Variants in PCSK6 observed in about 807,000 individuals in gnomAD.
PCSK6 encodes the protein paired basic amino acid cleaving enzyme 4.
In PCSK6, 85 loss-of-function variants were observed where a neutral mutation model predicts 123.3. That is an observed-to-expected ratio of 0.69 (90% CI 0.58 to 0.83). The LOEUF (loss-of-function observed/expected upper bound fraction) is 0.83. PCSK6 is among the 40% of genes least tolerant of loss of function. PCSK6 has a pLI of 0.00. For missense variants in PCSK6, 1,191 were observed against 1,282.3 expected (o/e 0.93, Z 1.09); for synonymous variants, 508 against 516.0 (o/e 0.98, Z 0.21).
chr15:101,322,256 C>T (rs901108546), intron 18 of PCSK6, among the ~76,000 whole-genome samples: 2 of 152,204 alleles, frequency 1.3e-5, no homozygotes, highest in African/African-American at 4.8e-5. Context: ...CGGATCTGGG[C>T]ACAGCCCTGT....
chr15:101,431,035 C>T (rs1390332064), intron 4 of PCSK6, among the ~76,000 whole-genome samples: 2 of 152,202 alleles, frequency 1.3e-5, no homozygotes, highest in East Asian at 3.8e-4. Flanking sequence ...ACTATCTGTA[C>T]GCTGATGATC....
At chr15:101,366,028 G>T in intron 13 of PCSK6, 168 bp downstream of exon 13, 1 of 657,296 alleles carries the variant, frequency 1.5e-6, no homozygotes, top group South Asian at 2.2e-5. Flanking sequence ...AAAAGCCACT[G>T]AACTGTCCAC....
rs867145837 is a variant in PCSK6, at chr15:101,305,924, G to C, written c.2813-569C>G. 1.9e-4 allele frequency among the ~76,000 whole-genome samples: 29 copies of C among 152,142 alleles called. No homozygotes were observed. Among genetic ancestry groups the C allele is most frequent in the African/African-American group, 5.8e-4 (24 of 41,514 alleles). ...CTCTTGCTGAGTCTCAGTGACAAGG[G>C]GATTCATGAGCAGGATGTGGGGGTG... is the stretch of plus-strand genomic sequence containing the variant. On this transcript the variant is annotated intron_variant, in intron 21 of 21. Transcript: ENST00000611716. This position sits in a 1 kb window ranked among gnomAD's most constrained non-coding sequence, Gnocchi z 4.8.
At chr15:101,352,638 G>C (rs1191569282) in intron 13 of PCSK6, among the ~76,000 whole-genome samples, 1 of 152,112 alleles carries the variant, frequency 6.6e-6, no homozygotes, top group African/African-American at 2.4e-5. Context: ...CCCTTGATCG[G>C]TCTATTCCAG....
intron 6 of PCSK6, among the ~76,000 whole-genome samples, chr15:101,411,284 G>T (rs760592986): frequency 1.8e-3 from 275 of 152,210 alleles, no homozygotes; most frequent in Non-Finnish European, 3.0e-3. Flanking sequence ...AGGAGCTAGG[G>T]TGGCAGGTCT....
At chr15:101,360,424 T>G (rs1464445426) in intron 13 of PCSK6, among the ~76,000 whole-genome samples, 1 of 152,102 alleles carries the variant, frequency 6.6e-6, no homozygotes, top group African/African-American at 2.4e-5. Flanking sequence ...TCTGCTCCTC[T>G]TCCCACTGCC....
chr15:101,483,197 C>A (rs2057933914), intron 1 of PCSK6, among the ~76,000 whole-genome samples: 1 of 152,228 alleles, frequency 6.6e-6, no homozygotes, highest in Non-Finnish European at 1.5e-5. Flanking sequence ...TCCGGGTCTC[C>A]CCTTGTCCCT....
intron 1 of PCSK6, among the ~76,000 whole-genome samples, chr15:101,458,559 C>G (rs1244247817): frequency 3.3e-5 from 5 of 152,156 alleles, no homozygotes; most frequent in Non-Finnish European, 5.9e-5. Flanking sequence ...TCGTCTGTCT[C>G]CAGGGACTGT....
At chr15:101,396,285 A>G (rs3784471) in intron 7 of PCSK6, among the ~76,000 whole-genome samples, 19,004 of 152,074 alleles carry the variant, frequency 0.12, 1,400 homozygotes, top group African/African-American at 0.21. Context: ...TTCCGAATGC[A>G]AAGATCCCTC....
intron 11 of PCSK6, among the ~76,000 whole-genome samples, chr15:101,372,623 T>A (rs2041619780): frequency 6.6e-6 from 1 of 151,860 alleles, no homozygotes. Context: ...GTGTCCCCCA[T>A]CCCCCACCTT....
intron 13 of PCSK6, chr15:101,334,627 T>C (rs1362953094): frequency 6.6e-6 from 1 of 152,180 alleles, no homozygotes; most frequent in Non-Finnish European, 1.5e-5. Flanking sequence ...TTGGCTGGGG[T>C]TGTGATGATG....
At chr15:101,359,668 T>C (rs1454246909) in intron 13 of PCSK6, among the ~76,000 whole-genome samples, 1 of 152,228 alleles carries the variant, frequency 6.6e-6, no homozygotes, top group Non-Finnish European at 1.5e-5. Flanking sequence ...TATGGCAGCA[T>C]CTGGCTGGGC....
intron 13 of PCSK6, among the ~76,000 whole-genome samples, chr15:101,342,119 G>GTT (rs1296996228): frequency 1.6e-4 from 11 of 66,958 alleles, no homozygotes; most frequent in African/African-American, 6.6e-4. Flanking sequence ...AACAGAGTAA[G>GTT]ACCCTGTCTC....
At chr15:101,392,378 C>G (rs543578191) in intron 8 of PCSK6, among the ~76,000 whole-genome samples, 1 of 152,314 alleles carries the variant, frequency 6.6e-6, no homozygotes, top group South Asian at 2.1e-4. Flanking sequence ...GAACAGGAAG[C>G]CTGTATGCTC....
intron 7 of PCSK6, among the ~76,000 whole-genome samples, chr15:101,396,955 T>G (rs1159194426): frequency 6.6e-6 from 1 of 152,056 alleles, no homozygotes; most frequent in East Asian, 1.9e-4. Flanking sequence ...TCTCAGGCAT[T>G]CAAGACCTGA....
At chr15:101,445,568 A>G (rs2056867249) in intron 1 of PCSK6, among the ~76,000 whole-genome samples, 2 of 152,120 alleles carry the variant, frequency 1.3e-5, no homozygotes, top group Admixed American at 6.5e-5. Context: ...CTTCTTCAAC[A>G]AAGTTAACTG....
chr15:101,313,574 C>T, intron 19 of PCSK6, 69 bp from the exon 20 acceptor site: 1 of 1,537,004 alleles, frequency 6.5e-7, no homozygotes, highest in South Asian at 1.2e-5. Flanking sequence ...AGGCCTGCTT[C>T]AGGGCCTTGT....
chr15:101,345,229 T>C (rs1270910589), intron 13 of PCSK6, among the ~76,000 whole-genome samples: 2 of 152,242 alleles, frequency 1.3e-5, no homozygotes, highest in African/African-American at 4.8e-5. Context: ...AAAATTCTTT[T>C]CTGTGGGAGG....
At chr15:101,448,483 C>A (rs567472989) in intron 1 of PCSK6, among the ~76,000 whole-genome samples, 1 of 152,348 alleles carries the variant, frequency 6.6e-6, no homozygotes, top group Admixed American at 6.5e-5. Flanking sequence ...CTTCACCTGT[C>A]CCCCAGCCAG....
Sources: allele counts gnomAD v4.1 joint callset (sites outside exome capture counted in the v4.1 genomes callset), GRCh38; gene constraint gnomAD v4.1.1; non-coding constraint Gnocchi (gnomAD v3.1); transcripts MANE v1.5; gene names NCBI Gene and HGNC (gene_info 2026-07-23, HGNC 2026-07-21).